KDM4C: variants seen among roughly 807,000 people sequenced by gnomAD.
The protein encoded by KDM4C is lysine-specific demethylase 4C.
A neutral mutation model predicts 129.3 loss-of-function variants in KDM4C; 81 were observed. The observed-to-expected ratio is 0.63, with a 90% confidence interval of 0.52 to 0.75. The LOEUF is 0.75. Among genes scored for constraint, KDM4C ranks in the 30% least tolerant of loss-of-function variants. KDM4C has a pLI of 0.00. For missense variants in KDM4C, 1,457 were observed against 1,304.0 expected (o/e 1.12, Z -1.81); for synonymous variants, 573 against 456.1 (o/e 1.26, Z -3.26).
rs535601403 is a variant in KDM4C, at chr9:6,846,146, T to C, written c.436-3361T>C. On this transcript the variant is annotated intron_variant, in intron 4 of 21. Transcript: ENST00000381309. ...CTGAACCTCAGATCTTTGTTGACAA[T>C]GATGCTGAGAGAAGAGGATGATATG... 2.0e-5 allele frequency among the ~76,000 whole-genome samples: 3 copies of C among 152,268 alleles called. No homozygotes were observed. In the South Asian group the frequency reaches 6.2e-4, roughly 32 times the overall value.
At chr9:6,766,666 G>T (rs957257607) in intron 1 of KDM4C, among the ~76,000 whole-genome samples, 1 of 151,984 alleles carries the variant, frequency 6.6e-6, no homozygotes, top group African/African-American at 2.4e-5. Context: ...GCTCATTAGG[G>T]CTCTTTCTAG....
chr9:7,095,426 C>T (rs1403652143), intron 17 of KDM4C, among the ~76,000 whole-genome samples: 1 of 152,094 alleles, frequency 6.6e-6, no homozygotes, highest in Non-Finnish European at 1.5e-5. Flanking sequence ...CCTTCAGGCC[C>T]AAGGCCAAAA....
intron 8 of KDM4C, among the ~76,000 whole-genome samples, chr9:6,977,488 A>G (rs530498098): frequency 2.0e-5 from 3 of 152,298 alleles, no homozygotes; most frequent in Admixed American, 1.3e-4. Context: ...TTGCCATGTA[A>G]TACCAAGCTC....
In KDM4C at chr9:6,833,316, ATCT is replaced by A. The variant is rs375357780; in HGVS notation, c.436-16186_436-16184del. On this transcript the variant is annotated intron_variant, in intron 4 of 21. Coordinates refer to ENST00000381309, the MANE Select transcript of KDM4C (RefSeq NM_015061.6). ...CCTCTATGCCAGTATTTTTAAAAAC[ATCT>A]TCTTGACAGGGAGTCTTTTAAAAAA... 4.7e-3 allele frequency among the ~76,000 whole-genome samples: 711 copies of A among 152,268 alleles called. 5 individuals are homozygous for A. Among genetic ancestry groups the A allele is most frequent in the African/African-American group, 0.017 (687 of 41,568 alleles).
At position 6,768,240 on chromosome 9, in the gene KDM4C, T is replaced by G. The variant is rs367616746; in HGVS notation, c.-18+10037T>G. 7.2e-5 allele frequency among the ~76,000 whole-genome samples: 11 copies of G among 152,254 alleles called. No homozygotes were observed. The East Asian group carries it at 2.1e-3, about 29-fold the overall frequency. On this transcript the variant is annotated intron_variant, in intron 1 of 21. Coordinates refer to ENST00000381309, the MANE Select transcript of KDM4C (RefSeq NM_015061.6). ...GCTTGTGTCTTCTCATTAGGGCTCTTTCTAGAAAATCTCGGTCCCTGGGAA... is the reference window on the plus strand; with the variant it reads ...GCTTGTGTCTTCTCATTAGGGCTCTGTCTAGAAAATCTCGGTCCCTGGGAA...
At chr9:7,037,775 C>T (rs1226575799) in intron 15 of KDM4C, among the ~76,000 whole-genome samples, 2 of 151,982 alleles carry the variant, frequency 1.3e-5, no homozygotes, top group Non-Finnish European at 1.5e-5. Flanking sequence ...AAATGCTGTT[C>T]TTTGGAGACA....
intron 5 of KDM4C, among the ~76,000 whole-genome samples, chr9:6,864,635 A>AT (rs906431288): frequency 9.4e-5 from 14 of 148,540 alleles, no homozygotes; most frequent in East Asian, 4.0e-4. Flanking sequence ...TGCCCAGCTA[A>AT]TTTTTTTTTT....
intron 4 of KDM4C, among the ~76,000 whole-genome samples, chr9:6,830,379 C>T (rs56011297): frequency 0.22 from 33,658 of 151,974 alleles, 3,772 homozygotes; most frequent in East Asian, 0.26. Context: ...AGCTGCTTCC[C>T]ACACCCCAGC....
At chr9:7,007,658 G>A (rs1821923839) in intron 12 of KDM4C, among the ~76,000 whole-genome samples, 1 of 152,086 alleles carries the variant, frequency 6.6e-6, no homozygotes, top group Non-Finnish European at 1.5e-5. Context: ...ATATGGCAGT[G>A]GTTCTCAGTC....
chr9:7,144,664 C>A (rs528136364), intron 19 of KDM4C, among the ~76,000 whole-genome samples: 1 of 152,364 alleles, frequency 6.6e-6, no homozygotes, highest in East Asian at 1.9e-4. Context: ...ACATTTCTTT[C>A]CCCTTTCCCG....
intron 17 of KDM4C, among the ~76,000 whole-genome samples, chr9:7,095,678 TG>T (rs1836347041): frequency 6.6e-6 from 1 of 152,180 alleles, no homozygotes; most frequent in East Asian, 1.9e-4. Context: ...GATCTAAAAC[TG>T]GGTAAGTTGA....
At chr9:7,137,839 A>C (rs1031308728) in intron 19 of KDM4C, among the ~76,000 whole-genome samples, 1 of 152,262 alleles carries the variant, frequency 6.6e-6, no homozygotes, top group Non-Finnish European at 1.5e-5. Flanking sequence ...TGAGGCCCAT[A>C]AATCAATGAA....
At chr9:6,988,634 AGT>A (rs1818165053) in intron 11 of KDM4C, among the ~76,000 whole-genome samples, 1 of 151,778 alleles carries the variant, frequency 6.6e-6, no homozygotes, top group Non-Finnish European at 1.5e-5. Context: ...CTACTCAATA[AGT>A]ATTATGTTAT....
At chr9:7,062,556 T>A (rs1000296664) in intron 17 of KDM4C, among the ~76,000 whole-genome samples, 6 of 151,020 alleles carry the variant, frequency 4.0e-5, no homozygotes, top group African/African-American at 1.5e-4. Context: ...TCCAGCTAAT[T>A]TTTTTTTTGT....
chr9:7,171,906 C>T (rs547344232), intron 21 of KDM4C, among the ~76,000 whole-genome samples: 69 of 152,122 alleles, frequency 4.5e-4, no homozygotes, highest in Middle Eastern at 3.4e-3. Flanking sequence ...CTATTCTGAG[C>T]GGCTAAGCCA....
At chr9:7,019,864 A>AT (rs1424929639) in intron 15 of KDM4C, among the ~76,000 whole-genome samples, 1 of 150,748 alleles carries the variant, frequency 6.6e-6, no homozygotes, top group East Asian at 1.9e-4. Flanking sequence ...AAATGGAGTA[A>AT]TTTTTTCGGC....
intron 19 of KDM4C, among the ~76,000 whole-genome samples, chr9:7,132,886 A>G (rs1164169892): frequency 6.6e-6 from 1 of 152,228 alleles, no homozygotes; most frequent in Non-Finnish European, 1.5e-5. Context: ...AAACAGGACC[A>G]TTTAGAAATT....
At chr9:6,928,263 A>G (rs1321260648) in intron 8 of KDM4C, among the ~76,000 whole-genome samples, 1 of 152,152 alleles carries the variant, frequency 6.6e-6, no homozygotes, top group Non-Finnish European at 1.5e-5. Context: ...CTCCTTTACC[A>G]GGCCTTCCAG....
At chr9:7,052,764 C>A (rs1368922217) in intron 17 of KDM4C, among the ~76,000 whole-genome samples, 2 of 152,014 alleles carry the variant, frequency 1.3e-5, no homozygotes, top group Non-Finnish European at 2.9e-5. Context: ...TGCATCTCTT[C>A]AGTACCCACG....
Sources: allele counts gnomAD v4.1 joint callset (sites outside exome capture counted in the v4.1 genomes callset), GRCh38; gene constraint gnomAD v4.1.1; transcripts MANE v1.5; gene names NCBI Gene and HGNC (gene_info 2026-07-23, HGNC 2026-07-21).